The following RABEP1 variants were observed in gnomAD, a reference collection of about 807,000 sequenced individuals.
RABEP1 encodes the protein rab GTPase-binding effector protein 1.
Under a neutral mutation model 123.4 loss-of-function variants are expected in RABEP1, and 51 were observed. The ratio of observed to expected loss-of-function variants is 0.41; its 90% CI spans 0.33 to 0.52. RABEP1 has a LOEUF of 0.52. Among genes scored for constraint, RABEP1 ranks in the 20% least tolerant of loss-of-function variants. RABEP1 has a pLI of 0.16. For synonymous variants in RABEP1, 347 were observed against 355.2 expected (o/e 0.98, Z 0.26); for missense variants, 888 against 996.3 (o/e 0.89, Z 1.46).
At chr17:5,314,026 T>A (rs768846186) in intron 2 of RABEP1, among the ~76,000 whole-genome samples, 6 of 152,258 alleles carry the variant, frequency 3.9e-5, no homozygotes, top group Non-Finnish European at 8.8e-5. Flanking sequence ...TGGACAGCAG[T>A]CTTTGTTTTA....
chr17:5,288,348 C>T (rs962767299), intron 1 of RABEP1, among the ~76,000 whole-genome samples: 32 of 152,038 alleles, frequency 2.1e-4, no homozygotes, highest in African/African-American at 7.5e-4. Flanking sequence ...TACGGGAACC[C>T]ACTGAAGGGT....
At chr17:5,344,577 C>G (rs1034341669) in intron 5 of RABEP1, among the ~76,000 whole-genome samples, 1 of 151,628 alleles carries the variant, frequency 6.6e-6, no homozygotes, top group Non-Finnish European at 1.5e-5. Context: ...TGGAGACCAT[C>G]CTGGATAACA....
At chr17:5,307,433 G>C (rs1337204698) in intron 1 of RABEP1, among the ~76,000 whole-genome samples, 1 of 152,134 alleles carries the variant, frequency 6.6e-6, no homozygotes, top group Non-Finnish European at 1.5e-5. Flanking sequence ...CAATTAAATT[G>C]AGTGATTGGG....
chr17:5,352,714 C>G (rs1908664708), intron 7 of RABEP1, among the ~76,000 whole-genome samples: 3 of 151,804 alleles, frequency 2.0e-5, no homozygotes, highest in Admixed American at 2.0e-4. Context: ...GCCTGTAGTA[C>G]CAGCTACTTG....
In RABEP1 at chr17:5,366,018, T is replaced by A. The variant is rs186301735; in HGVS notation, c.1785+780T>A. Among the ~76,000 whole-genome samples, 506 of 152,326 alleles carry A rather than the reference T, an allele frequency of 3.3e-3. 2 individuals carry two copies. Among genetic ancestry groups the A allele is most frequent in the African/African-American group, 0.012 (483 of 41,568 alleles). ...GTGGTGGACATGTTTCTGCAGGATA[T>A]GTAACTAGGGGTGGAATGCTTGGGT... On this transcript the variant is annotated intron_variant, in intron 11 of 17. Transcript: ENST00000537505.
chr17:5,345,088 A>T (rs1907960744), intron 5 of RABEP1, among the ~76,000 whole-genome samples: 1 of 152,250 alleles, frequency 6.6e-6, no homozygotes, highest in Non-Finnish European at 1.5e-5. Context: ...AAATTGGGGA[A>T]ATGTAAATGA....
At chr17:5,340,068 T>C (rs1567532541) in intron 5 of RABEP1, among the ~76,000 whole-genome samples, 4 of 152,160 alleles carry the variant, frequency 2.6e-5, no homozygotes, top group Admixed American at 1.3e-4. Flanking sequence ...TTCACAAATA[T>C]AGTAGCAGAT....
At chr17:5,294,631 G>GTTTTTTT (rs1355713572) in intron 1 of RABEP1, among the ~76,000 whole-genome samples, 7 of 50,116 alleles carry the variant, frequency 1.4e-4, no homozygotes, top group Admixed American at 3.0e-4. Context: ...AAACGGTATT[G>GTTTTTTT]TCTTTTTTTT....
At chr17:5,377,518 AAATTTT>A (rs1440345312) in intron 14 of RABEP1, among the ~76,000 whole-genome samples, 4 of 125,832 alleles carry the variant, frequency 3.2e-5, no homozygotes, top group Non-Finnish European at 5.3e-5. Flanking sequence ...GTTATTTAAA[AAATTTT>A]TTTTTTTTTT....
chr17:5,320,421 C>CAA (rs60202531), intron 2 of RABEP1, among the ~76,000 whole-genome samples: 3,191 of 83,346 alleles, frequency 0.038, 19 homozygotes, highest in Non-Finnish European at 0.056. Flanking sequence ...GCTAACACAC[C>CAA]AAAAAAAAAA....
intron 2 of RABEP1, among the ~76,000 whole-genome samples, chr17:5,314,675 C>T (rs568567843): frequency 4.6e-3 from 701 of 152,230 alleles, no homozygotes; most frequent in Non-Finnish European, 7.0e-3. Flanking sequence ...CCCGCCACCA[C>T]GCCTGGCTAA....
intron 1 of RABEP1, among the ~76,000 whole-genome samples, chr17:5,293,376 T>C (rs1165183011): frequency 6.6e-6 from 1 of 152,204 alleles, no homozygotes; most frequent in African/African-American, 2.4e-5. Flanking sequence ...CTTTGTTTTT[T>C]ATTTGTTACA....
intron 2 of RABEP1, among the ~76,000 whole-genome samples, chr17:5,324,485 G>A (rs1398318640): frequency 6.6e-6 from 1 of 152,182 alleles, no homozygotes; most frequent in Non-Finnish European, 1.5e-5. Context: ...GAAGCCACTA[G>A]AGGAAAACAC....
chr17:5,306,786 TA>T (rs1221616954), intron 1 of RABEP1, among the ~76,000 whole-genome samples: 1 of 152,160 alleles, frequency 6.6e-6, no homozygotes, highest in Non-Finnish European at 1.5e-5. Context: ...ATTAAATAAA[TA>T]CCACCAATTT....
intron 15 of RABEP1, among the ~76,000 whole-genome samples, chr17:5,379,459 C>G (rs1911268742): frequency 6.6e-6 from 1 of 152,048 alleles, no homozygotes; most frequent in African/African-American, 2.4e-5. Flanking sequence ...TTGGATTGCA[C>G]TCCTCTCCCG....
chr17:5,321,191 C>T (rs1033878797), intron 2 of RABEP1, among the ~76,000 whole-genome samples: 1 of 152,144 alleles, frequency 6.6e-6, no homozygotes, highest in Non-Finnish European at 1.5e-5. Context: ...CCTGTAATCC[C>T]AGCACTTTGG....
At position 5,311,113 on chromosome 17, in the gene RABEP1, G is replaced by A. The variant is rs138596366; in HGVS notation, c.163+2291G>A. On this transcript the variant is annotated intron_variant, in intron 2 of 17. Coordinates refer to ENST00000537505, the MANE Select transcript of RABEP1 (RefSeq NM_004703.6). Reference sequence around the variant, plus strand: ...GCGTGAGCCACCACAATGGGCTTGCGTGTGCATTTGAATTACCTAATAGGG... The same window carrying A: ...GCGTGAGCCACCACAATGGGCTTGCATGTGCATTTGAATTACCTAATAGGG... Among the ~76,000 whole-genome samples, 1,167 of 152,086 alleles carry A rather than the reference G, an allele frequency of 7.7e-3. 4 individuals carry two copies. Among genetic ancestry groups the A allele is most frequent in the Middle Eastern group, 0.014 (4 of 294 alleles).
At chr17:5,374,882 TC>T (rs1282591774) in intron 13 of RABEP1, among the ~76,000 whole-genome samples, 1 of 152,178 alleles carries the variant, frequency 6.6e-6, no homozygotes, top group East Asian at 1.9e-4. Flanking sequence ...GACCTCGTGA[TC>T]CGCCCGCCTT....
At chr17:5,372,686 T>G (rs928595543) in intron 12 of RABEP1, among the ~76,000 whole-genome samples, 2 of 152,208 alleles carry the variant, frequency 1.3e-5, no homozygotes, top group South Asian at 4.1e-4. Context: ...TAGGTCTTGA[T>G]GGTGTCAGCC....
Sources: allele counts gnomAD v4.1 joint callset (sites outside exome capture counted in the v4.1 genomes callset), GRCh38; gene constraint gnomAD v4.1.1; transcripts MANE v1.5; gene names NCBI Gene and HGNC (gene_info 2026-07-23, HGNC 2026-07-21).